COL19A1: variants seen among roughly 807,000 people sequenced by gnomAD.
The protein encoded by COL19A1 is collagen type XIX alpha 1 chain.
A neutral mutation model predicts 190.2 loss-of-function variants in COL19A1; 159 were observed. The ratio of observed to expected loss-of-function variants is 0.84; its 90% CI spans 0.73 to 0.95. The LOEUF (loss-of-function observed/expected upper bound fraction) is 0.95, where lower values mean the gene tolerates loss of function less well. Among genes scored for constraint, COL19A1 ranks in the 40% least tolerant of loss-of-function variants. The pLI, the probability that COL19A1 is intolerant of heterozygous loss-of-function variation, is 0.00. For missense variants in COL19A1, 1,418 were observed against 1,431.9 expected (o/e 0.99, Z 0.16); for synonymous variants, 509 against 458.9 (o/e 1.11, Z -1.39).
Position 70,199,609 on chromosome 6 carries a change from G to A in COL19A1, c.3096G>A (p.Glu1032=), listed in dbSNP as rs762606261. 7.6e-6 allele frequency: 12 copies of A among 1,571,372 alleles called. No homozygotes were observed. Among genetic ancestry groups the A allele is most frequent in the Non-Finnish European group, 1.0e-5 (12 of 1,156,958 alleles). Residue 1032 remains glutamate, a splice_region_variant and synonymous_variant, in exon 49 of 51, where the codon GAG becomes GAA. Coordinates refer to ENST00000620364, the MANE Select transcript of COL19A1 (RefSeq NM_001858.6). ...INQEVLRIFE[E]RMAVFLSQLK... is the part of the protein sequence containing the mutation. Reference sequence around the variant, plus strand: ...TTATTTTTTCTTCTATACATGAAGAGAGGATGGCTGTATTCCTATCCCAGC... The same window carrying A: ...TTATTTTTTCTTCTATACATGAAGAAAGGATGGCTGTATTCCTATCCCAGC...
intron 11 of COL19A1, among the ~76,000 whole-genome samples, chr6:70,017,205 T>A (rs1226095536): frequency 1.3e-5 from 2 of 152,132 alleles, no homozygotes; most frequent in African/African-American, 4.8e-5. Context: ...AAGCATAATG[T>A]TGAATCAATT....
At chr6:70,164,242 G>A (rs1249979300) in intron 36 of COL19A1, among the ~76,000 whole-genome samples, 2 of 152,134 alleles carry the variant, frequency 1.3e-5, no homozygotes, top group African/African-American at 4.8e-5. Context: ...TCTCAGACAG[G>A]ACACCACACA....
chr6:69,942,770 G>GTGTA (rs1380272889), intron 9 of COL19A1, among the ~76,000 whole-genome samples: 2 of 150,436 alleles, frequency 1.3e-5, no homozygotes, highest in Non-Finnish European at 3.0e-5. Flanking sequence ...GTGTGTGTGT[G>GTGTA]TATAAAACAT....
At chr6:70,166,119 C>A in intron 37 of COL19A1, 134 bp downstream of exon 37, 1 of 798,648 alleles carries the variant, frequency 1.3e-6, no homozygotes, top group African/African-American at 1.7e-5. Context: ...TAAATGATAG[C>A]CAATGTAGCT....
At chr6:70,175,507 A>G (rs1400326752) in intron 41 of COL19A1, among the ~76,000 whole-genome samples, 1 of 152,056 alleles carries the variant, frequency 6.6e-6, no homozygotes, top group East Asian at 1.9e-4. Flanking sequence ...TTTCAATGAA[A>G]TTATCCAATT....
chr6:70,027,454 T>C (rs969059105), intron 12 of COL19A1, among the ~76,000 whole-genome samples: 2 of 152,184 alleles, frequency 1.3e-5, no homozygotes, highest in Non-Finnish European at 2.9e-5. Flanking sequence ...GAGCAGAATG[T>C]TTAGCATCCT....
At chr6:70,032,808 G>C in intron 12 of COL19A1, among the ~76,000 whole-genome samples, 1 of 152,020 alleles carries the variant, frequency 6.6e-6, no homozygotes, top group South Asian at 2.1e-4. Context: ...AATGTTTATT[G>C]AATAAATAAG....
At chr6:70,169,447 GA>G (rs1320910304) in intron 40 of COL19A1, among the ~76,000 whole-genome samples, 3 of 151,754 alleles carry the variant, frequency 2.0e-5, no homozygotes, top group East Asian at 1.9e-4. Flanking sequence ...ATTGCCATGT[GA>G]AAAAAAATTT....
At chr6:70,045,799 C>T (rs1324115794) in intron 14 of COL19A1, among the ~76,000 whole-genome samples, 1 of 152,170 alleles carries the variant, frequency 6.6e-6, no homozygotes, top group Non-Finnish European at 1.5e-5. Flanking sequence ...ATTTTTCAAT[C>T]CAGCAAGTCT....
intron 9 of COL19A1, among the ~76,000 whole-genome samples, chr6:69,950,674 C>CCACACACACA (rs56757599): frequency 5.1e-5 from 7 of 136,142 alleles, no homozygotes; most frequent in South Asian, 2.5e-4. Context: ...ATGAATGCAG[C>CCACACACACA]CACACACACA....
intron 15 of COL19A1, among the ~76,000 whole-genome samples, chr6:70,071,982 C>G (rs774081027): frequency 1.3e-4 from 20 of 151,934 alleles, no homozygotes; most frequent in Non-Finnish European, 2.6e-4. Context: ...AAACAAAAAT[C>G]TCAAGAAAAT....
At chr6:70,068,165 C>G (rs1367327173) in intron 14 of COL19A1, among the ~76,000 whole-genome samples, 2 of 151,862 alleles carry the variant, frequency 1.3e-5, no homozygotes, top group Non-Finnish European at 2.9e-5. Flanking sequence ...ATATGAGATT[C>G]TTCACTGGCG....
chr6:70,128,030 C>A (rs961198260), intron 17 of COL19A1, among the ~76,000 whole-genome samples: 1 of 152,176 alleles, frequency 6.6e-6, no homozygotes, highest in Non-Finnish European at 1.5e-5. Flanking sequence ...AAAACTGATT[C>A]TTTTTCTCCC....
At chr6:69,919,764 G>A (rs1771570941) in intron 4 of COL19A1, among the ~76,000 whole-genome samples, 1 of 152,064 alleles carries the variant, frequency 6.6e-6, no homozygotes, top group African/African-American at 2.4e-5. Flanking sequence ...AAGTAAATGG[G>A]TGAAATATTG....
chr6:70,172,107 G>A (rs1765535910), intron 41 of COL19A1, 90 bp downstream of exon 41: 8 of 1,177,156 alleles, frequency 6.8e-6, no homozygotes, highest in African/African-American at 1.6e-5. Flanking sequence ...TTTTAGGTTA[G>A]GGATATATAA....
At chr6:69,881,107 A>C (rs555241710) in intron 2 of COL19A1, among the ~76,000 whole-genome samples, 9 of 152,138 alleles carry the variant, frequency 5.9e-5, no homozygotes, top group Non-Finnish European at 8.8e-5. Context: ...GATTCCTGAG[A>C]CCTCCTATCG....
At chr6:70,093,969 C>T (rs894558695) in intron 15 of COL19A1, among the ~76,000 whole-genome samples, 1 of 152,132 alleles carries the variant, frequency 6.6e-6, no homozygotes, top group African/African-American at 2.4e-5. Flanking sequence ...CTTTCCTTAG[C>T]TCTGAACCTA....
intron 14 of COL19A1, among the ~76,000 whole-genome samples, chr6:70,049,698 C>T (rs1217845248): frequency 6.6e-6 from 1 of 151,920 alleles, no homozygotes; most frequent in Non-Finnish European, 1.5e-5. Context: ...CAATTTGTGA[C>T]TTTTACAAAA....
chr6:69,900,682 C>A (rs1770130022), intron 4 of COL19A1, among the ~76,000 whole-genome samples: 1 of 152,070 alleles, frequency 6.6e-6, no homozygotes, highest in Admixed American at 6.5e-5. Context: ...TATATAGATT[C>A]AGAGCCAAAA....
Sources: allele counts gnomAD v4.1 joint callset (sites outside exome capture counted in the v4.1 genomes callset), GRCh38; gene constraint gnomAD v4.1.1; transcripts MANE v1.5; gene names NCBI Gene and HGNC (gene_info 2026-07-23, HGNC 2026-07-21).